Variants in CA5A observed in about 807,000 individuals in gnomAD.
CA5A encodes carbonic anhydrase 5A, mitochondrial.
A neutral mutation model predicts 37.1 loss-of-function variants in CA5A; 28 were observed. The ratio of observed to expected loss-of-function variants is 0.75; its 90% confidence interval spans 0.56 to 1.03. The LOEUF (loss-of-function observed/expected upper bound fraction) is 1.03, where lower values mean the gene tolerates loss of function less well. Among genes scored for constraint, CA5A ranks in the 50% least tolerant of loss-of-function variants. The pLI, the probability that CA5A is intolerant of heterozygous loss-of-function variation, is 0.00. For missense variants in CA5A, 444 were observed against 399.9 expected, an observed-to-expected ratio of 1.11 and a Z score of -0.94; for synonymous variants, 171 against 158.4, an observed-to-expected ratio of 1.08 and a Z score of -0.60.
rs149186386 is a variant in CA5A, at chr16:87,899,593, G to A, written c.618+2319C>T. On this transcript the variant is annotated intron_variant, in intron 5 of 6. Coordinates refer to ENST00000649794, the MANE Select transcript of CA5A (RefSeq NM_001739.2). ...GCTAGGATTACAGGCGTGAGCCACCGCACCCAGCCTCTTAAGGTCTTTTAA... is the reference window on the plus strand; with the variant it reads ...GCTAGGATTACAGGCGTGAGCCACCACACCCAGCCTCTTAAGGTCTTTTAA... 5.8e-3 allele frequency among the ~76,000 whole-genome samples: 870 copies of A among 148,942 alleles called. 10 individuals are homozygous for A. The highest frequency in any genetic ancestry group is 0.02 in the African/African-American group (800 of 40,690).
chr16:87,919,351 C>T (rs1440245611), intron 2 of CA5A, among the ~76,000 whole-genome samples: 2 of 152,246 alleles, frequency 1.3e-5, no homozygotes, highest in Admixed American at 6.5e-5. Flanking sequence ...ACACACCTTG[C>T]TCCAGGCGGG....
intron 5 of CA5A, among the ~76,000 whole-genome samples, chr16:87,897,001 C>A (rs1407243613): frequency 1.3e-5 from 2 of 152,236 alleles, no homozygotes; most frequent in African/African-American, 2.4e-5. Flanking sequence ...CCCCACCCAG[C>A]CTAACTCCGC....
chr16:87,884,661 G>C (rs962115744), downstream of CA5A: 1 of 152,248 alleles, frequency 6.6e-6, no homozygotes, highest in African/African-American at 2.4e-5. Flanking sequence ...TTGAACCCGG[G>C]AGGCAGAGGT....
At chr16:87,893,618 C>G (rs2055757529) in intron 5 of CA5A, 26 of 697,340 alleles carry the variant, frequency 3.7e-5, no homozygotes, top group South Asian at 3.7e-4. Flanking sequence ...GACAGACATA[C>G]CTACAGACGG....
At chr16:87,893,946 A>C (rs931825716) in intron 5 of CA5A, among the ~76,000 whole-genome samples, 2 of 151,768 alleles carry the variant, frequency 1.3e-5, no homozygotes, top group Non-Finnish European at 2.9e-5. Flanking sequence ...GTTTGTAGCC[A>C]GGGGGTCTTG....
chr16:87,883,156 G>T (rs1198419462), downstream of CA5A: 1 of 152,212 alleles, frequency 6.6e-6, no homozygotes, highest in Non-Finnish European at 1.5e-5. Context: ...CAGTAGCTGG[G>T]ATTATAGGTG....
downstream of CA5A, chr16:87,885,206 A>AAC (rs2055639552): frequency 1.2e-5 from 2 of 169,832 alleles, no homozygotes; most frequent in South Asian, 1.5e-4. Flanking sequence ...CAACAACAAC[A>AAC]AAAAAAAGAG....
At chr16:87,919,846 T>G (rs1322539612) in intron 2 of CA5A, among the ~76,000 whole-genome samples, 4 of 152,110 alleles carry the variant, frequency 2.6e-5, no homozygotes, top group African/African-American at 9.7e-5. Flanking sequence ...GGAGCTGACT[T>G]TGCAAATCTC....
intron 1 of CA5A, among the ~76,000 whole-genome samples, chr16:87,931,091 C>T (rs996381248): frequency 2.7e-5 from 4 of 150,156 alleles, no homozygotes; most frequent in Admixed American, 1.3e-4. Context: ...GGTGTCCCAA[C>T]GTTCAGGTGT....
downstream of CA5A, chr16:87,887,701 A>G (rs1476005897): frequency 6.1e-6 from 1 of 163,318 alleles, no homozygotes; most frequent in Non-Finnish European, 1.3e-5. Context: ...GCATGAGGCA[A>G]TGCACCCCGC....
At chr16:87,894,103 T>C (rs995662435) in intron 5 of CA5A, among the ~76,000 whole-genome samples, 4 of 152,154 alleles carry the variant, frequency 2.6e-5, no homozygotes, top group Non-Finnish European at 4.4e-5. Flanking sequence ...TGCTGAATCA[T>C]AGGGTAGTTC....
chr16:87,905,483 T>A (rs1364934414), intron 2 of CA5A, among the ~76,000 whole-genome samples: 1 of 152,090 alleles, frequency 6.6e-6, no homozygotes, highest in Non-Finnish European at 1.5e-5. Flanking sequence ...CCCAGCCTCC[T>A]GAGTAGCTGG....
At chr16:87,905,821 G>T (rs916251783) in intron 2 of CA5A, among the ~76,000 whole-genome samples, 1 of 152,194 alleles carries the variant, frequency 6.6e-6, no homozygotes, top group Non-Finnish European at 1.5e-5. Flanking sequence ...CTCTCTACCT[G>T]CAGGCCTCGG....
chr16:87,904,285 T>C (rs2143960455), intron 3 of CA5A, among the ~76,000 whole-genome samples: 1 of 151,478 alleles, frequency 6.6e-6, no homozygotes, highest in African/African-American at 2.4e-5. Flanking sequence ...GAGGTTGTGG[T>C]GAGCCAAGAT....
intron 6 of CA5A, among the ~76,000 whole-genome samples, 184 bp downstream of exon 6, chr16:87,891,615 C>T (rs1005433906): frequency 1.3e-5 from 2 of 152,284 alleles, no homozygotes; most frequent in Middle Eastern, 3.4e-3. Flanking sequence ...ATCACTGGAA[C>T]CGCTGTCCAA....
intron 2 of CA5A, among the ~76,000 whole-genome samples, chr16:87,922,487 C>T (rs1597579897): frequency 1.3e-5 from 2 of 152,348 alleles, no homozygotes; most frequent in South Asian, 2.1e-4. Flanking sequence ...CACATGCTGC[C>T]ATGAGCTGAA....
At chr16:87,933,454 G>A (rs1436156715) in intron 1 of CA5A, among the ~76,000 whole-genome samples, 2 of 152,166 alleles carry the variant, frequency 1.3e-5, no homozygotes, top group African/African-American at 2.4e-5. Flanking sequence ...AGGGCTCACT[G>A]CAGCCTGAAA....
intron 5 of CA5A, among the ~76,000 whole-genome samples, chr16:87,899,015 G>T (rs1468104181): frequency 1.3e-5 from 2 of 152,094 alleles, no homozygotes; most frequent in African/African-American, 2.4e-5. Context: ...GGTTACATGT[G>T]TGAGCCACCA....
intron 1 of CA5A, among the ~76,000 whole-genome samples, chr16:87,934,000 A>G (rs1490970268): frequency 6.6e-6 from 1 of 152,230 alleles, no homozygotes; most frequent in Non-Finnish European, 1.5e-5. Context: ...TCTCTAGCAC[A>G]CGATGTAAGA....
Sources: gnomAD v4.1 joint callset for allele counts (sites outside exome capture counted in the v4.1 genomes callset) on GRCh38, gnomAD v4.1.1 for gene constraint, MANE v1.5 for transcripts, NCBI Gene and HGNC (gene_info 2026-07-23, HGNC 2026-07-21) for gene names.